ATRNL1: variants seen among roughly 807,000 people sequenced by gnomAD.
ATRNL1 encodes the protein attractin-like protein 1.
A neutral mutation model predicts 182.7 loss-of-function variants in ATRNL1; 95 were observed. The ratio of observed to expected loss-of-function variants is 0.52; its 90% CI spans 0.44 to 0.62. The LOEUF (loss-of-function observed/expected upper bound fraction) is 0.62. Ranked by LOEUF, ATRNL1 falls within the 20% of genes least tolerant of loss-of-function variation. ATRNL1 has a pLI of 0.00. For synonymous variants in ATRNL1, 576 were observed against 568.3 expected (o/e 1.01, Z -0.19); for missense variants, 1,471 against 1,679.5 (o/e 0.88, Z 2.17).
At chr10:115,814,304 G>C (rs1950114353) in intron 27 of ATRNL1, among the ~76,000 whole-genome samples, 1 of 151,946 alleles carries the variant, frequency 6.6e-6, no homozygotes, top group Admixed American at 6.6e-5. Context: ...GGTAGGCAAT[G>C]GCAAGTTACT....
chr10:115,500,068 G>A lies in ATRNL1; in HGVS notation c.3655-19195G>A, dbSNP rs564238977. On this transcript the variant is annotated intron_variant, in intron 24 of 28. Transcript: ENST00000355044. ...CTTATGTTTATGAAGAGAAAATAGG[G>A]GGAGGAAGGGAGAAAAACAACCACA... Among the ~76,000 whole-genome samples, 3 of 152,212 alleles carry A rather than the reference G, an allele frequency of 2.0e-5. No homozygotes were observed. The East Asian group carries it at 5.8e-4, about 29-fold the overall frequency.
intron 28 of ATRNL1, among the ~76,000 whole-genome samples, chr10:115,859,041 T>A (rs1951250495): frequency 6.6e-6 from 1 of 151,938 alleles, no homozygotes; most frequent in South Asian, 2.1e-4. Flanking sequence ...TATAGCTGTA[T>A]CCTCACATGG....
chr10:115,565,306 A>C (rs555969169), intron 26 of ATRNL1, among the ~76,000 whole-genome samples: 1 of 152,208 alleles, frequency 6.6e-6, no homozygotes, highest in South Asian at 2.1e-4. Flanking sequence ...AAACTGCTTT[A>C]GATCATGTTA....
At chr10:115,938,580 G>A (rs1304504632) in intron 28 of ATRNL1, among the ~76,000 whole-genome samples, 1 of 152,070 alleles carries the variant, frequency 6.6e-6, no homozygotes, top group Non-Finnish European at 1.5e-5. Context: ...CAATAGTCAA[G>A]ATATAGAAGC....
intron 26 of ATRNL1, among the ~76,000 whole-genome samples, chr10:115,665,608 CTG>C: frequency 1.3e-5 from 2 of 152,272 alleles, no homozygotes; most frequent in South Asian, 4.1e-4. Context: ...CAATTTAAAT[CTG>C]TTGCTATCTG....
chr10:115,608,611 A>AT (rs1439232031), intron 26 of ATRNL1, among the ~76,000 whole-genome samples: 6 of 152,026 alleles, frequency 3.9e-5, no homozygotes, highest in African/African-American at 1.4e-4. Context: ...CAATGACTAG[A>AT]TTTTTTATTA....
At chr10:115,462,877 C>G (rs1490349367) in intron 22 of ATRNL1, among the ~76,000 whole-genome samples, 1 of 151,728 alleles carries the variant, frequency 6.6e-6, no homozygotes, top group Non-Finnish European at 1.5e-5. Context: ...TAGGTTGTGT[C>G]GAAATAACAC....
intron 21 of ATRNL1, among the ~76,000 whole-genome samples, chr10:115,427,952 A>C (rs1845979501): frequency 6.6e-6 from 1 of 151,616 alleles, no homozygotes; most frequent in African/African-American, 2.4e-5. Flanking sequence ...TTCAATTTTC[A>C]AAAAAATTGC....
intron 10 of ATRNL1, among the ~76,000 whole-genome samples, chr10:115,249,001 A>G (rs1554904756): frequency 6.6e-6 from 1 of 152,088 alleles, no homozygotes; most frequent in Non-Finnish European, 1.5e-5. Context: ...TAAGTGAAAC[A>G]GTAAAAGATT....
intron 20 of ATRNL1, among the ~76,000 whole-genome samples, chr10:115,422,881 G>A (rs1366557214): frequency 6.6e-6 from 1 of 152,180 alleles, no homozygotes; most frequent in African/African-American, 2.4e-5. Context: ...GGTGGAGGAA[G>A]GGAGGAGGGT....
intron 24 of ATRNL1, among the ~76,000 whole-genome samples, chr10:115,495,383 A>G (rs80297354): frequency 0.02 from 2,992 of 152,058 alleles, 66 homozygotes; most frequent in East Asian, 0.13. Flanking sequence ...ATGCCCTTGT[A>G]TATCTAGTTC....
At chr10:115,879,164 G>T (rs1466814814) in intron 28 of ATRNL1, among the ~76,000 whole-genome samples, 1 of 151,896 alleles carries the variant, frequency 6.6e-6, no homozygotes, top group Non-Finnish European at 1.5e-5. Flanking sequence ...AAAAATAGCT[G>T]GGCATGGTGA....
chr10:115,472,120 A>G (rs1225468646), intron 24 of ATRNL1, among the ~76,000 whole-genome samples: 3 of 150,706 alleles, frequency 2.0e-5, no homozygotes, highest in African/African-American at 7.3e-5. Context: ...TTCCTTTACT[A>G]TTTATTCCTG....
chr10:115,095,355 CT>C (rs1417283985), intron 1 of ATRNL1, among the ~76,000 whole-genome samples: 7 of 129,564 alleles, frequency 5.4e-5, no homozygotes, highest in Non-Finnish European at 1.1e-4. Flanking sequence ...ACACAGCATA[CT>C]TTCCTTTTTT....
intron 19 of ATRNL1, 45 bp from the exon 20 acceptor site, chr10:115,394,614 T>G (rs1243071891): frequency 7.3e-7 from 1 of 1,369,240 alleles, no homozygotes; most frequent in African/African-American, 1.4e-5. Context: ...AATGTGCATG[T>G]TTGTGATGTA....
intron 28 of ATRNL1, among the ~76,000 whole-genome samples, chr10:115,871,489 A>ATG (rs1951584901): frequency 2.3e-5 from 3 of 132,746 alleles, no homozygotes; most frequent in South Asian, 2.1e-4. Context: ...GTATATATAT[A>ATG]TATATATATA....
At chr10:115,322,693 C>T (rs1167523530) in intron 18 of ATRNL1, among the ~76,000 whole-genome samples, 4 of 152,064 alleles carry the variant, frequency 2.6e-5, no homozygotes, top group Non-Finnish European at 4.4e-5. Flanking sequence ...TCTAGCATCT[C>T]ATTCTCCTAA....
intron 27 of ATRNL1, among the ~76,000 whole-genome samples, chr10:115,769,492 A>G (rs1410006432): frequency 6.6e-6 from 1 of 152,178 alleles, no homozygotes; most frequent in African/African-American, 2.4e-5. Flanking sequence ...TAACATGAAT[A>G]TATTGATACT....
chr10:115,433,736 G>GA (rs1443177180), intron 21 of ATRNL1, among the ~76,000 whole-genome samples: 1 of 151,836 alleles, frequency 6.6e-6, no homozygotes, highest in Admixed American at 6.6e-5. Flanking sequence ...TAGCTAAAAG[G>GA]AAAAAAATTG....
Sources: allele counts gnomAD v4.1 joint callset (sites outside exome capture counted in the v4.1 genomes callset), GRCh38; gene constraint gnomAD v4.1.1; transcripts MANE v1.5; gene names NCBI Gene and HGNC (gene_info 2026-07-23, HGNC 2026-07-21).